The following EXOC6 variants were observed in gnomAD, a reference collection of about 807,000 sequenced individuals.
The protein encoded by EXOC6 is exocyst complex component 6, also known as SEC15-like 1.
EXOC6 carries 60 observed loss-of-function variants against 112.5 expected under a neutral mutation model. The ratio of observed to expected loss-of-function variants is 0.53; its 90% CI spans 0.43 to 0.66. The LOEUF (loss-of-function observed/expected upper bound fraction) is 0.66, where lower values mean the gene tolerates loss of function less well. Among genes scored for constraint, EXOC6 ranks in the 30% least tolerant of loss-of-function variants. The pLI, the probability that EXOC6 is intolerant of heterozygous loss-of-function variation, is 0.00. For missense variants in EXOC6, 855 were observed against 957.1 expected (o/e 0.89, Z 1.41); for synonymous variants, 295 against 308.0 (o/e 0.96, Z 0.44).
intron 20 of EXOC6, among the ~76,000 whole-genome samples, chr10:93,031,510 C>CTTTTTTTTT (rs778524287): frequency 2.8e-4 from 36 of 130,450 alleles, no homozygotes; most frequent in Non-Finnish European, 4.4e-4. Flanking sequence ...TTCTTTCTTT[C>CTTTTTTTTT]TTTTTTTTTT....
chr10:93,035,224 C>G (rs1206781074), intron 20 of EXOC6, among the ~76,000 whole-genome samples: 1 of 152,080 alleles, frequency 6.6e-6, no homozygotes, highest in East Asian at 1.9e-4. Context: ...TGTCATAATT[C>G]CGGAAGTTTA....
intron 8 of EXOC6, among the ~76,000 whole-genome samples, chr10:92,920,736 G>A (rs1851386837): frequency 6.6e-6 from 1 of 151,932 alleles, no homozygotes; most frequent in African/African-American, 2.4e-5. Flanking sequence ...TTTCAGTTTT[G>A]CCAGTTTTTT....
chr10:92,943,163 C>T (rs535458135), intron 13 of EXOC6, among the ~76,000 whole-genome samples: 11 of 151,942 alleles, frequency 7.2e-5, no homozygotes, highest in Admixed American at 1.3e-4. Flanking sequence ...GGACTACAGG[C>T]GCCCACCACC....
Position 92,848,589 on chromosome 10 carries a change from A to T in EXOC6, c.56A>T (p.Gln19Leu). 1 of 1,453,590 alleles carries T rather than the reference A, an allele frequency of 6.9e-7. No individual in the cohort carries two copies. The allele number at this position is 1,453,590 out of a possible 1,614,324, so 90.0% of individuals were successfully genotyped here. The change falls in exon 1 of 22, where the codon CAG (glutamine) becomes CTG (leucine). Residue 19 changes from glutamine to leucine, a missense_variant. Physicochemically the swap from Gln to Leu is moderately radical, Grantham distance 113. Transcript: ENST00000260762. The part of the protein sequence containing the change: ...GTVPEHERIL[Q>L]EIESTDTACV... ...GTCCCCGAGCACGAGCGGATCTTGC[A>T]GGAGATCGAGAGCACCGACACCGCC...
chr10:93,044,388 T>C (rs1166263320), intron 20 of EXOC6, among the ~76,000 whole-genome samples: 2 of 152,182 alleles, frequency 1.3e-5, no homozygotes, highest in African/African-American at 4.8e-5. Flanking sequence ...TTATAAAATA[T>C]AAGATTTGAA....
rs142869662 is a variant in EXOC6 at position 92,889,161 on chromosome 10, T to A, written c.102-4188T>A. The stretch of plus-strand genomic sequence containing the variant: ...TCAGTTGTTCAGCCACTGGTTCACT[T>A]GTTTAACGAGGATTTGGTTGTCTCA... On this transcript the variant is annotated intron_variant, in intron 1 of 21. Transcript: ENST00000260762. Among the ~76,000 whole-genome samples, 976 of 152,302 alleles carry A rather than the reference T, an allele frequency of 6.4e-3. 5 individuals are homozygous for A. Among genetic ancestry groups the A allele is most frequent in the Middle Eastern group, 0.014 (4 of 294 alleles).
intron 18 of EXOC6, among the ~76,000 whole-genome samples, chr10:92,986,917 T>A (rs1464655155): frequency 6.6e-6 from 1 of 152,058 alleles, no homozygotes; most frequent in Non-Finnish European, 1.5e-5. Flanking sequence ...TGATTTAGTT[T>A]TTACTTTGAC....
intron 18 of EXOC6, among the ~76,000 whole-genome samples, chr10:92,991,450 AAAAC>A (rs1216722471): frequency 1.4e-4 from 22 of 151,918 alleles, no homozygotes; most frequent in Non-Finnish European, 2.9e-4. Flanking sequence ...AAAAAAAAAA[AAAAC>A]AAAAGTTAGG....
At chr10:92,939,478 T>C (rs1852537219) in intron 12 of EXOC6, among the ~76,000 whole-genome samples, 1 of 151,914 alleles carries the variant, frequency 6.6e-6, no homozygotes. Flanking sequence ...GTTGATAAAC[T>C]AGGTTGATGA....
intron 20 of EXOC6, among the ~76,000 whole-genome samples, chr10:93,023,961 C>T (rs1394572636): frequency 2.0e-5 from 3 of 151,934 alleles, no homozygotes; most frequent in East Asian, 1.9e-4. Context: ...ATTTTTTAAT[C>T]GCCAAAGCTT....
chr10:92,944,083 C>T (rs1310138710), intron 13 of EXOC6, among the ~76,000 whole-genome samples: 1 of 152,050 alleles, frequency 6.6e-6, no homozygotes, highest in African/African-American at 2.4e-5. Context: ...ACAGAATTTC[C>T]CTCTTTTATA....
intron 18 of EXOC6, among the ~76,000 whole-genome samples, chr10:92,974,760 G>A (rs1229229994): frequency 0.011 from 1,606 of 152,278 alleles, 33 homozygotes; most frequent in African/African-American, 0.036. Context: ...TGGAGACGGG[G>A]TTTCGCTGTG....
At chr10:92,941,378 C>T (rs1176622338) in intron 13 of EXOC6, among the ~76,000 whole-genome samples, 1 of 152,154 alleles carries the variant, frequency 6.6e-6, no homozygotes, top group Non-Finnish European at 1.5e-5. Context: ...AATAATGCTG[C>T]TGTGAACGTG....
rs541588175 is a variant in EXOC6, at chr10:93,040,753, C to G, written c.2170-16171C>G. On this transcript the variant is annotated intron_variant, in intron 20 of 21. Coordinates refer to ENST00000260762, the MANE Select transcript of EXOC6 (RefSeq NM_019053.6). ...GGGAAGGCCAGTAGACATTTTTAGC[C>G]CATATCCTATTGGTTCTTTCTGCTG... Among the ~76,000 whole-genome samples, 339 of 152,274 alleles carry G rather than the reference C, an allele frequency of 2.2e-3. 1 individual carries two copies. Among genetic ancestry groups the G allele is most frequent in the African/African-American group, 7.5e-3 (312 of 41,558 alleles).
chr10:92,932,169 T>C (rs2133947944), intron 9 of EXOC6, among the ~76,000 whole-genome samples: 1 of 152,264 alleles, frequency 6.6e-6, no homozygotes. Context: ...TCAAAAGTAT[T>C]ATTCTAAGTG....
At chr10:92,884,325 G>A (rs906381560) in intron 1 of EXOC6, among the ~76,000 whole-genome samples, 1 of 152,180 alleles carries the variant, frequency 6.6e-6, no homozygotes, top group Non-Finnish European at 1.5e-5. Flanking sequence ...CCAGTATTTG[G>A]AAGTCCATTT....
At chr10:92,914,522 A>C (rs762239518) in intron 6 of EXOC6, among the ~76,000 whole-genome samples, 13 of 152,200 alleles carry the variant, frequency 8.5e-5, no homozygotes, top group Non-Finnish European at 1.6e-4. Flanking sequence ...TTTTGTGCAT[A>C]ACATAATTGG....
intron 1 of EXOC6, among the ~76,000 whole-genome samples, chr10:92,840,711 C>G (rs1479140514): frequency 6.6e-6 from 1 of 150,632 alleles, no homozygotes; most frequent in Non-Finnish European, 1.5e-5. Context: ...GTCAGTCAGG[C>G]TTGAATACAG....
At chr10:93,031,587 A>G (rs1337450650) in intron 20 of EXOC6, among the ~76,000 whole-genome samples, 2 of 139,700 alleles carry the variant, frequency 1.4e-5, no homozygotes, top group South Asian at 2.2e-4. Context: ...ATCTCAGCTC[A>G]CTGCAACCTC....
Sources: gnomAD v4.1 joint callset for allele counts (sites outside exome capture counted in the v4.1 genomes callset) on GRCh38, gnomAD v4.1.1 for gene constraint, MANE v1.5 for transcripts, NCBI Gene and HGNC (gene_info 2026-07-23, HGNC 2026-07-21) for gene names.